The following EPHA3 variants were observed in gnomAD, a reference collection of about 807,000 sequenced individuals.
The protein encoded by EPHA3 is EPH receptor A3, also known as ephrin type-A receptor 3.
Under a neutral mutation model 107.1 loss-of-function variants are expected in EPHA3, and 42 were observed. That is an observed-to-expected ratio of 0.39 (90% CI 0.31 to 0.51). The LOEUF (loss-of-function observed/expected upper bound fraction) is 0.51. Among genes scored for constraint, EPHA3 ranks in the 20% least tolerant of loss-of-function variants. EPHA3 has a pLI of 0.78. For synonymous variants in EPHA3, 461 were observed against 424.8 expected (o/e 1.09, Z -1.05); for missense variants, 1,183 against 1,211.2 (o/e 0.98, Z 0.35).
intron 3 of EPHA3, among the ~76,000 whole-genome samples, chr3:89,233,347 C>G (rs1704681736): frequency 6.6e-6 from 1 of 151,940 alleles, no homozygotes; most frequent in Non-Finnish European, 1.5e-5. Flanking sequence ...CTACATTGTC[C>G]CCCCACTTTT....
intron 9 of EPHA3, among the ~76,000 whole-genome samples, chr3:89,410,915 G>A (rs1476820142): frequency 6.6e-6 from 1 of 151,808 alleles, no homozygotes. Flanking sequence ...GTATTAAAGG[G>A]TGACTCTCCC....
intron 3 of EPHA3, among the ~76,000 whole-genome samples, chr3:89,243,557 T>G (rs1704960711): frequency 6.6e-6 from 1 of 152,226 alleles, no homozygotes; most frequent in South Asian, 2.1e-4. Flanking sequence ...TATCTTCTTT[T>G]GAGAAGTGTC....
chr3:89,234,819 C>CTTCCT (rs1194044320), intron 3 of EPHA3, among the ~76,000 whole-genome samples: 1 of 94,940 alleles, frequency 1.1e-5, no homozygotes. Flanking sequence ...CCTTTCTTTC[C>CTTCCT]TTCCTTTCCT....
chr3:89,124,707 T>C (rs1325754509), intron 1 of EPHA3, among the ~76,000 whole-genome samples: 3 of 152,036 alleles, frequency 2.0e-5, no homozygotes, highest in South Asian at 2.1e-4. Flanking sequence ...AAGATATTTA[T>C]GGTATTTGAA....
At chr3:89,291,213 G>C (rs1706200353) in intron 3 of EPHA3, among the ~76,000 whole-genome samples, 3 of 152,016 alleles carry the variant, frequency 2.0e-5, no homozygotes, top group African/African-American at 7.2e-5. Flanking sequence ...TTATGGGGTT[G>C]GTCTAGTTTA....
At chr3:89,147,604 G>A (rs186528656) in intron 2 of EPHA3, among the ~76,000 whole-genome samples, 78 of 151,942 alleles carry the variant, frequency 5.1e-4, no homozygotes, top group African/African-American at 1.7e-3. Flanking sequence ...TCAATTGACC[G>A]CAATCAGTTC....
chr3:89,311,549 T>C (rs1706766116), intron 3 of EPHA3, among the ~76,000 whole-genome samples: 1 of 152,062 alleles, frequency 6.6e-6, no homozygotes, highest in African/African-American at 2.4e-5. Flanking sequence ...CATAATTGAG[T>C]CAAGATATTT....
chr3:89,154,636 G>A (rs1352599484), intron 2 of EPHA3, among the ~76,000 whole-genome samples: 1 of 151,248 alleles, frequency 6.6e-6, no homozygotes, highest in Admixed American at 6.6e-5. Context: ...TCAATCATTT[G>A]GCAGCCATTT....
At chr3:89,243,203 C>T (rs1051550993) in intron 3 of EPHA3, among the ~76,000 whole-genome samples, 9 of 151,866 alleles carry the variant, frequency 5.9e-5, no homozygotes, top group South Asian at 2.1e-4. Context: ...TGAATAGTGC[C>T]GCGATAAACA....
chr3:89,446,023 C>T (rs148313663), intron 13 of EPHA3, among the ~76,000 whole-genome samples: 1,527 of 152,066 alleles, frequency 0.01, 27 homozygotes, highest in African/African-American at 0.035. Context: ...CAAAACACAA[C>T]CAGAAGAGCA....
At position 89,327,177 on chromosome 3, in the gene EPHA3, G is replaced by A. The variant is rs145630538; in HGVS notation, c.815-13739G>A. On this transcript the variant is annotated intron_variant, in intron 3 of 16. Coordinates refer to ENST00000336596, the MANE Select transcript of EPHA3 (RefSeq NM_005233.6). ...CACATGTAGAATGTGCTTTCTACAT[G>A]TGTTTTATGAAAACATGATTATACT... Among the ~76,000 whole-genome samples, 3 of 152,194 alleles carry A rather than the reference G, an allele frequency of 2.0e-5. No individual in the cohort carries two copies. The East Asian group carries it at 5.8e-4, about 30-fold the overall frequency.
intron 15 of EPHA3, among the ~76,000 whole-genome samples, chr3:89,466,964 A>G (rs901053051): frequency 1.3e-5 from 2 of 152,160 alleles, no homozygotes; most frequent in Admixed American, 1.3e-4. Context: ...CTTAAGGCCT[A>G]GAGATAATTA....
intron 5 of EPHA3, among the ~76,000 whole-genome samples, chr3:89,350,371 C>A (rs1186117468): frequency 6.6e-6 from 1 of 151,376 alleles, no homozygotes; most frequent in African/African-American, 2.4e-5. Flanking sequence ...TTCATTTCAT[C>A]TTCCATCACT....
chr3:89,457,314 T>G (rs1157608), intron 15 of EPHA3, among the ~76,000 whole-genome samples: 34,248 of 152,160 alleles, frequency 0.23, 4,160 homozygotes, highest in Non-Finnish European at 0.25. Flanking sequence ...ATGGACTGCT[T>G]CCAGGCCATG....
At chr3:89,315,533 G>C (rs549257527) in intron 3 of EPHA3, among the ~76,000 whole-genome samples, 163 of 150,982 alleles carry the variant, frequency 1.1e-3, no homozygotes, top group African/African-American at 3.8e-3. Flanking sequence ...TTTTTTAGGA[G>C]AATCTTCCCT....
At chr3:89,426,142 A>G (rs1709452486) in intron 11 of EPHA3, among the ~76,000 whole-genome samples, 1 of 151,754 alleles carries the variant, frequency 6.6e-6, no homozygotes, top group Non-Finnish European at 1.5e-5. Flanking sequence ...CGCAAATGAT[A>G]CAAGCTTTGT....
chr3:89,227,732 C>T (rs1704533455), intron 3 of EPHA3, among the ~76,000 whole-genome samples: 1 of 151,886 alleles, frequency 6.6e-6, no homozygotes, highest in South Asian at 2.1e-4. Flanking sequence ...TTAAATACTT[C>T]AGGTAAATTC....
At chr3:89,223,950 C>G (rs1342312811) in intron 3 of EPHA3, among the ~76,000 whole-genome samples, 1 of 152,038 alleles carries the variant, frequency 6.6e-6, no homozygotes, top group Non-Finnish European at 1.5e-5. Context: ...CTTTCCACTT[C>G]TTTTTAAATT....
At chr3:89,405,097 G>T (rs1709032346) in intron 7 of EPHA3, among the ~76,000 whole-genome samples, 1 of 152,134 alleles carries the variant, frequency 6.6e-6, no homozygotes, top group Admixed American at 6.5e-5. Flanking sequence ...GGCAGATGGA[G>T]CTGAGCCAGG....
Sources: gnomAD v4.1 joint callset for allele counts (sites outside exome capture counted in the v4.1 genomes callset) on GRCh38, gnomAD v4.1.1 for gene constraint, MANE v1.5 for transcripts, NCBI Gene and HGNC (gene_info 2026-07-23, HGNC 2026-07-21) for gene names.